Variants in ABCC3 observed in about 807,000 individuals in gnomAD.
The protein encoded by ABCC3 is ATP binding cassette subfamily C member 3.
In ABCC3, 121 loss-of-function variants were observed where a neutral mutation model predicts 165.3. That is an observed-to-expected ratio of 0.73 (90% CI 0.63 to 0.85). ABCC3 has a LOEUF of 0.85. Among genes scored for constraint, ABCC3 ranks in the 40% least tolerant of loss-of-function variants. The pLI is 0.00. For synonymous variants in ABCC3, 733 were observed against 810.1 expected, an observed-to-expected ratio of 0.90 and a Z score of 1.62; for missense variants, 1,869 against 1,964.1, an observed-to-expected ratio of 0.95 and a Z score of 0.92.
chr17:50,673,851 C>G (rs1304191431), intron 19 of ABCC3, among the ~76,000 whole-genome samples, 193 bp downstream of exon 19: 1 of 151,900 alleles, frequency 6.6e-6, no homozygotes, highest in Non-Finnish European at 1.5e-5. Flanking sequence ...CCATCCTACT[C>G]TACCCTAACT....
chr17:50,667,940 T>C lies in ABCC3; in HGVS notation c.1713T>C (p.Ser571=), dbSNP rs1260763563. 1.2e-6 allele frequency: 2 copies of C among 1,614,222 alleles called. No homozygotes were observed. Among genetic ancestry groups the C allele is most frequent in the Non-Finnish European group, 1.7e-6 (2 of 1,180,036 alleles). ...NVLDAEKAFV[S]VSLFNILRLP... ...TGGACGCCGAGAAGGCCTTTGTGTC[T>C]GTGTCCTTGTTTAATATCTTAAGAC... The change falls in exon 13 of 31, where the codon TCT becomes TCC. Residue 571 remains serine (S), a synonymous_variant. Coordinates refer to ENST00000285238, the MANE Select transcript of ABCC3 (RefSeq NM_003786.4).
At chr17:50,686,248 C>A (rs1968019652) in intron 29 of ABCC3, among the ~76,000 whole-genome samples, 1 of 152,204 alleles carries the variant, frequency 6.6e-6, no homozygotes, top group Non-Finnish European at 1.5e-5. Flanking sequence ...AGCACTCTGG[C>A]CTCCACTTTC....
intron 19 of ABCC3, among the ~76,000 whole-genome samples, chr17:50,673,988 C>CCTTCCTTCCTTCCT (rs1967732278): frequency 3.2e-4 from 4 of 12,528 alleles, no homozygotes; most frequent in African/African-American, 1.1e-3. Flanking sequence ...TTCTCTCTCT[C>CCTTCCTTCCTTCCT]TCTCTCTCTC....
chr17:50,668,972 A>C, intron 15 of ABCC3, 53 bp downstream of exon 15: 1 of 1,602,772 alleles, frequency 6.2e-7, no homozygotes, highest in Middle Eastern at 1.7e-4. Flanking sequence ...CTGGAAGTTC[A>C]GATCAATAGC....
Position 50,657,027 on chromosome 17 carries a change from C to A in ABCC3, c.349-19C>A. 5 of 1,610,520 alleles carry A rather than the reference C, an allele frequency of 3.1e-6. No individual in the cohort carries two copies. The highest frequency in any genetic ancestry group is 3.4e-6 in the Non-Finnish European group (4 of 1,178,202). ...AGATGTGTGTGTTCTGCCCGGGCCTCCCTGCCCTCCCTGCACAGCTGCTGG... is the reference window on the plus strand; with the variant it reads ...AGATGTGTGTGTTCTGCCCGGGCCTACCTGCCCTCCCTGCACAGCTGCTGG... On this transcript the variant is annotated intron_variant, in intron 3 of 30. Transcript: ENST00000285238.
intron 17 of ABCC3, among the ~76,000 whole-genome samples, chr17:50,670,680 G>C (rs565945864): frequency 1.3e-5 from 2 of 152,290 alleles, no homozygotes; most frequent in Non-Finnish European, 2.9e-5. Flanking sequence ...GAATGGTTAA[G>C]GTAGCTTGGG....
At chr17:50,678,304 C>G in intron 25 of ABCC3, 85 bp downstream of exon 25, 1 of 1,435,564 alleles carries the variant, frequency 7.0e-7, no homozygotes, top group Non-Finnish European at 9.2e-7. Context: ...AGTGCCCCTC[C>G]CTGCTCAGTA....
At chr17:50,673,981 T>C (rs1597856853) in intron 19 of ABCC3, among the ~76,000 whole-genome samples, 19 of 3,250 alleles carry the variant, frequency 5.8e-3, no homozygotes, top group African/African-American at 8.8e-3. Context: ...TCTTTCTTTC[T>C]CTCTCTCTCT....
intron 19 of ABCC3, 63 bp from the exon 20 acceptor site, chr17:50,675,299 G>A: frequency 8.4e-7 from 1 of 1,195,332 alleles, no homozygotes; most frequent in Non-Finnish European, 1.2e-6. Flanking sequence ...GGGAATGGGA[G>A]ATACCAGGGG....
intron 26 of ABCC3, among the ~76,000 whole-genome samples, chr17:50,681,445 C>T: frequency 6.6e-6 from 1 of 152,138 alleles, no homozygotes; most frequent in African/African-American, 2.4e-5. Context: ...ACCTGGCTTC[C>T]TCAGTCCCGC....
intron 1 of ABCC3, chr17:50,635,677 G>T (rs773964427): frequency 2.0e-5 from 14 of 685,962 alleles, no homozygotes; most frequent in Admixed American, 4.1e-5. Context: ...GAGAGGAAGG[G>T]ACTTGCCCAA....
intron 26 of ABCC3, among the ~76,000 whole-genome samples, chr17:50,681,024 C>T (rs775179055): frequency 1.2e-4 from 18 of 151,572 alleles, no homozygotes; most frequent in African/African-American, 1.9e-4. Context: ...TGCAGTGAGC[C>T]GAGATTGCGC....
At chr17:50,682,239 T>C (rs1261798557) in intron 26 of ABCC3, among the ~76,000 whole-genome samples, 9 of 151,452 alleles carry the variant, frequency 5.9e-5, no homozygotes, top group Admixed American at 5.9e-4. Context: ...AAGCCTCAGG[T>C]TTTCATTTTG....
intron 19 of ABCC3, 134 bp from the exon 20 acceptor site, chr17:50,675,228 C>T: frequency 1.8e-6 from 1 of 569,064 alleles, no homozygotes; most frequent in South Asian, 2.8e-5. Context: ...TTTCTTGTTG[C>T]CCTTTCAATC....
At chr17:50,668,291 A>G in intron 13 of ABCC3, 139 bp from the exon 14 acceptor site, 1 of 712,576 alleles carries the variant, frequency 1.4e-6, no homozygotes, top group South Asian at 1.8e-5. Flanking sequence ...TGGAAGACTC[A>G]GTCGTGGGAG....
In ABCC3 at chr17:50,660,995, G is replaced by C. The variant is rs1273183207; in HGVS notation, c.879G>C (p.Arg293Ser). ...AGGTGCTGCTGGGTGCCCGGCCCAG[G>C]CCCCGGAAGCCCTCCTTCCTGAAGG... ...EDEVLLGARP[R>S]PRKPSFLKAL... The change falls in exon 8 of 31, where the codon AGG (arginine) becomes AGC (serine). Residue 293 changes from arginine (R) to serine (S), a missense_variant. Physicochemically the swap from Arg to Ser is moderately radical, Grantham distance 110. Coordinates refer to ENST00000285238, the MANE Select transcript of ABCC3 (RefSeq NM_003786.4). 1 of 1,614,022 alleles carries C rather than the reference G, an allele frequency of 6.2e-7. No individual in the cohort carries two copies. The highest frequency in any genetic ancestry group is 8.5e-7 in the Non-Finnish European group (1 of 1,179,952).
intron 1 of ABCC3, among the ~76,000 whole-genome samples, chr17:50,642,375 A>C (rs1966909505): frequency 6.6e-6 from 1 of 152,218 alleles, no homozygotes; most frequent in Non-Finnish European, 1.5e-5. Flanking sequence ...GCTTATCTCA[A>C]GGAAAGGAGC....
Position 50,668,023 on chromosome 17 carries a change from G to A in ABCC3, c.1782+14G>A, listed in dbSNP as rs1967564042. 1 of 1,609,116 alleles carries A rather than the reference G, an allele frequency of 6.2e-7. No homozygotes were observed. Among genetic ancestry groups the A allele is most frequent in the Non-Finnish European group, 8.5e-7 (1 of 1,175,632 alleles). ...AACCTGACTCAGGTAACCCTGGGTA[G>A]GGCTGGGGGCTCTACTGGAGTTGGA... On this transcript the variant is annotated intron_variant, in intron 13 of 30. Coordinates refer to ENST00000285238, the MANE Select transcript of ABCC3 (RefSeq NM_003786.4).
Position 50,661,805 on chromosome 17 carries a change from G to A in ABCC3, c.998+691G>A, listed in dbSNP as rs554462278. ...ATTCAGTGGGGGCAGAAGTGTTCTCGGGTGTCTGGAAAACCCCGGGAGGGG... is the reference window on the plus strand; with the variant it reads ...ATTCAGTGGGGGCAGAAGTGTTCTCAGGTGTCTGGAAAACCCCGGGAGGGG... On this transcript the variant is annotated intron_variant, in intron 8 of 30. Coordinates refer to ENST00000285238, the MANE Select transcript of ABCC3 (RefSeq NM_003786.4). Among the ~76,000 whole-genome samples, 201 of 152,264 alleles carry A rather than the reference G, an allele frequency of 1.3e-3. 1 individual carries two copies. Among genetic ancestry groups the A allele is most frequent in the Non-Finnish European group, 2.6e-3 (178 of 68,022 alleles).
Sources: gnomAD v4.1 joint callset for allele counts (sites outside exome capture counted in the v4.1 genomes callset) on GRCh38, gnomAD v4.1.1 for gene constraint, MANE v1.5 for transcripts, NCBI Gene and HGNC (gene_info 2026-07-23, HGNC 2026-07-21) for gene names.